Variants in CTNNA3 observed in about 807,000 individuals in gnomAD.
CTNNA3 encodes catenin alpha-3.
In CTNNA3, 76 loss-of-function variants were observed where a neutral mutation model predicts 95.7. The observed-to-expected ratio is 0.79, with a 90% CI of 0.66 to 0.96. The LOEUF is 0.96. CTNNA3 is among the 40% of genes least tolerant of loss of function. The pLI is 0.00. For missense variants in CTNNA3, 1,191 were observed against 1,089.8 expected, an observed-to-expected ratio of 1.09 and a Z score of -1.31; for synonymous variants, 431 against 374.4, an observed-to-expected ratio of 1.15 and a Z score of -1.74.
At chr10:66,968,932 G>T (rs1177747584) in intron 7 of CTNNA3, among the ~76,000 whole-genome samples, 2 of 151,998 alleles carry the variant, frequency 1.3e-5, no homozygotes, top group Non-Finnish European at 2.9e-5. Context: ...CAGGAGAATT[G>T]CTTGAACCCA....
intron 6 of CTNNA3, among the ~76,000 whole-genome samples, chr10:67,208,323 G>A (rs1334414035): frequency 1.4e-5 from 2 of 147,814 alleles, no homozygotes; most frequent in South Asian, 4.3e-4. Context: ...AGGTTGCAGT[G>A]AGCCGAGATC....
At chr10:66,803,151 T>C (rs1008498461) in intron 7 of CTNNA3, among the ~76,000 whole-genome samples, 15 of 152,082 alleles carry the variant, frequency 9.9e-5, no homozygotes, top group African/African-American at 3.6e-4. Flanking sequence ...ATCGTTTTTA[T>C]CTTCTTACAA....
intron 10 of CTNNA3, among the ~76,000 whole-genome samples, chr10:66,540,219 T>C (rs2132074486): frequency 6.6e-6 from 1 of 152,314 alleles, no homozygotes. Flanking sequence ...GGTATCTATG[T>C]AGAAAAACTA....
chr10:67,060,521 T>A (rs1392480661), intron 7 of CTNNA3, among the ~76,000 whole-genome samples: 1 of 152,214 alleles, frequency 6.6e-6, no homozygotes, highest in Non-Finnish European at 1.5e-5. Context: ...TTTCTAAATA[T>A]CCCAGTAACT....
intron 7 of CTNNA3, among the ~76,000 whole-genome samples, chr10:67,151,816 A>G (rs1041352455): frequency 6.6e-6 from 1 of 152,226 alleles, no homozygotes; most frequent in Non-Finnish European, 1.5e-5. Context: ...GGAAGGAAAT[A>G]TACATGATAG....
chr10:66,060,860 T>C (rs2080181321), intron 15 of CTNNA3, among the ~76,000 whole-genome samples: 1 of 152,094 alleles, frequency 6.6e-6, no homozygotes, highest in Non-Finnish European at 1.5e-5. Flanking sequence ...GAATACTCAA[T>C]GCTAAGTGTC....
chr10:66,466,688 TCACAA>T (rs1838930890), intron 11 of CTNNA3, among the ~76,000 whole-genome samples: 1 of 151,986 alleles, frequency 6.6e-6, no homozygotes, highest in African/African-American at 2.4e-5. Context: ...CTCTAAATCC[TCACAA>T]CACAAGTGGG....
At chr10:66,969,958 T>C (rs1220703171) in intron 7 of CTNNA3, among the ~76,000 whole-genome samples, 1 of 152,116 alleles carries the variant, frequency 6.6e-6, no homozygotes, top group Non-Finnish European at 1.5e-5. Flanking sequence ...AGAGTAACAG[T>C]ACTGACCTAC....
intron 7 of CTNNA3, among the ~76,000 whole-genome samples, chr10:66,903,985 A>T (rs960918168): frequency 2.0e-5 from 3 of 152,238 alleles, no homozygotes; most frequent in Non-Finnish European, 4.4e-5. Context: ...AGTCGTCCTC[A>T]CCAAGCTACC....
intron 9 of CTNNA3, among the ~76,000 whole-genome samples, chr10:66,674,128 T>C (rs1846762465): frequency 6.6e-6 from 1 of 152,048 alleles, no homozygotes; most frequent in South Asian, 2.1e-4. Flanking sequence ...GATTTATGTA[T>C]TGGGTGTTAG....
chr10:67,219,856 T>C lies in CTNNA3; in HGVS notation c.594A>G (p.Pro198=). The change falls in exon 6 of 18, where the codon CCA becomes CCG. Residue 198 remains proline (P), a synonymous_variant. Coordinates refer to ENST00000433211, the MANE Select transcript of CTNNA3 (RefSeq NM_013266.4). ...AFKRQQDLKS[P]NQRDEIAGAR... is the part of the protein sequence containing the mutation. ...CTCCTGCAATTTCATCTCTCTGATT[T>C]GGAGATTTTAAGTCCTGAGAAGGTA... 6.2e-7 allele frequency: 1 copy of C among 1,611,096 alleles called. No homozygotes were observed. The highest frequency in any genetic ancestry group is 8.5e-7 in the Non-Finnish European group (1 of 1,177,882).
chr10:66,514,668 C>A (rs1179049330), intron 11 of CTNNA3, among the ~76,000 whole-genome samples: 3 of 151,980 alleles, frequency 2.0e-5, no homozygotes, highest in Non-Finnish European at 4.4e-5. Context: ...ATTTCCAGTA[C>A]CTTTCATGGG....
intron 3 of CTNNA3, among the ~76,000 whole-genome samples, chr10:67,581,285 T>C (rs1196049515): frequency 6.6e-6 from 1 of 152,240 alleles, no homozygotes; most frequent in Non-Finnish European, 1.5e-5. Flanking sequence ...TTGAATTTTG[T>C]GAAAGGCCTT....
At chr10:67,091,135 C>T (rs10762137) in intron 7 of CTNNA3, among the ~76,000 whole-genome samples, 83,292 of 151,770 alleles carry the variant, frequency 0.55, 24,035 homozygotes, top group African/African-American at 0.74. Context: ...ACAAAATAAA[C>T]GTTGCTAGCC....
chr10:67,007,643 T>C (rs1303043051), intron 7 of CTNNA3, among the ~76,000 whole-genome samples: 1 of 152,070 alleles, frequency 6.6e-6, no homozygotes, highest in Non-Finnish European at 1.5e-5. Flanking sequence ...TGTTTCCCTG[T>C]AAATGTTACA....
chr10:65,924,399 C>A (rs76906235), intron 17 of CTNNA3, among the ~76,000 whole-genome samples: 1 of 152,128 alleles, frequency 6.6e-6, no homozygotes, highest in Non-Finnish European at 1.5e-5. Flanking sequence ...AGCCTCCATC[C>A]TTGATCCTAC....
Position 67,486,605 on chromosome 10 carries a change from T to C in CTNNA3, c.579+35237A>G, listed in dbSNP as rs144498773. On this transcript the variant is annotated intron_variant, in intron 5 of 17. Transcript: ENST00000433211. ...TAGAATGAGAAAAACAGTAAGATTA[T>C]TGTAAAAGTATTTCAAGGATTACAG... is the stretch of plus-strand genomic sequence containing the variant. Among the ~76,000 whole-genome samples the C allele has an allele frequency of 2.2e-3, 332 of 152,258 alleles. 2 individuals carry two copies. Among genetic ancestry groups the C allele is most frequent in the African/African-American group, 7.6e-3 (317 of 41,556 alleles).
At chr10:67,700,248 G>C (rs1841025279), upstream of CTNNA3, among the ~76,000 whole-genome samples, 2 of 152,358 alleles carry the variant, frequency 1.3e-5, no homozygotes, top group East Asian at 1.9e-4. Context: ...AAGTGTACCT[G>C]TCTGACAGCT....
chr10:66,872,080 C>A (rs1254101777), intron 7 of CTNNA3, among the ~76,000 whole-genome samples: 1 of 152,158 alleles, frequency 6.6e-6, no homozygotes, highest in Non-Finnish European at 1.5e-5. Flanking sequence ...CAAAACCCTC[C>A]GTAACATACT....
Sources: allele counts gnomAD v4.1 joint callset (sites outside exome capture counted in the v4.1 genomes callset), GRCh38; gene constraint gnomAD v4.1.1; transcripts MANE v1.5; gene names NCBI Gene and HGNC (gene_info 2026-07-23, HGNC 2026-07-21).